CENPT: variants seen among roughly 807,000 people sequenced by gnomAD.
The protein encoded by CENPT is interphase centromere complex protein 22.
CENPT carries 42 observed loss-of-function variants against 59.7 expected under a neutral mutation model. That is an observed-to-expected ratio of 0.70 (90% CI 0.55 to 0.91). CENPT has a LOEUF of 0.91. Ranked by LOEUF, CENPT falls within the 40% of genes least tolerant of loss-of-function variation. The probability of loss-of-function intolerance (pLI) is 0.00; values close to 1 mark genes in which losing one functional copy is unlikely to be tolerated. For synonymous variants in CENPT, 295 were observed against 289.6 expected, an observed-to-expected ratio of 1.02 and a Z score of -0.19; for missense variants, 716 against 713.4, an observed-to-expected ratio of 1.00 and a Z score of -0.04.
At chr16:67,840,362 A>G (rs1271943183) in intron 1 of CENPT, among the ~76,000 whole-genome samples, 4 of 152,276 alleles carry the variant, frequency 2.6e-5, no homozygotes, top group South Asian at 2.1e-4. Context: ...TTAGGTTTCT[A>G]TTTCATGCCT....
intron 1 of CENPT, among the ~76,000 whole-genome samples, chr16:67,836,562 C>T (rs1271534142): frequency 6.6e-6 from 1 of 151,872 alleles, no homozygotes; most frequent in Admixed American, 6.6e-5. Context: ...CTCAGCCTCC[C>T]AAGCAGCTAG....
intron 1 of CENPT, among the ~76,000 whole-genome samples, chr16:67,845,733 C>T (rs139848764): frequency 8.5e-5 from 13 of 152,330 alleles, no homozygotes; most frequent in African/African-American, 3.1e-4. Flanking sequence ...AGACAGTTCA[C>T]AGAGCAAGGG....
intron 1 of CENPT, among the ~76,000 whole-genome samples, chr16:67,845,120 C>T (rs1484985456): frequency 6.6e-6 from 1 of 152,104 alleles, no homozygotes; most frequent in African/African-American, 2.4e-5. Flanking sequence ...ATTGAAGGGG[C>T]AAGGATTACA....
chr16:67,837,475 G>A (rs1050061634), intron 1 of CENPT, among the ~76,000 whole-genome samples: 3 of 151,926 alleles, frequency 2.0e-5, no homozygotes, highest in Admixed American at 6.6e-5. Flanking sequence ...TTGGGAGGCC[G>A]AGGCAGGTGG....
rs2057728055 is a variant in CENPT, at chr16:67,835,209, G to C, written c.-279C>G. 1 of 152,116 alleles carries C rather than the reference G, an allele frequency of 6.6e-6. No individual in the cohort carries two copies. Among genetic ancestry groups the C allele is most frequent in the Non-Finnish European group, 1.5e-5 (1 of 68,038 alleles). The allele number at this position is 152,116 out of a possible 1,614,324, so 9.4% of individuals were successfully genotyped here. On this transcript the variant is annotated 5_prime_UTR_variant, in exon 3 of 16. Coordinates refer to ENST00000562787, the MANE Select transcript of CENPT (RefSeq NM_025082.4). ...GTGTTTTCCTCCGTATTTTTCACTGGTTGACAATCCTCTCACCTTAAGTTT... is the reference window on the plus strand; with the variant it reads ...GTGTTTTCCTCCGTATTTTTCACTGCTTGACAATCCTCTCACCTTAAGTTT...
At chr16:67,835,465 A>G (rs1026507406) in intron 2 of CENPT, 73 bp downstream of exon 2, 17 of 152,208 alleles carry the variant, frequency 1.1e-4, no homozygotes, top group African/African-American at 4.1e-4. Flanking sequence ...GGAGTTCAAG[A>G]CCAGTCTGGC....
intron 1 of CENPT, 192 bp downstream of exon 1, chr16:67,847,209 C>T (rs1291861497): frequency 6.6e-6 from 1 of 152,062 alleles, no homozygotes; most frequent in Non-Finnish European, 1.5e-5. Flanking sequence ...CAGCCGGGCG[C>T]CTATCTGGGC....
intron 10 of CENPT, 92 bp from the exon 11 acceptor site, chr16:67,830,640 C>T: frequency 7.3e-7 from 1 of 1,361,878 alleles, no homozygotes; most frequent in South Asian, 1.2e-5. Context: ...CCGGCTGCTA[C>T]TCAGCGTTGC....
At chr16:67,832,745 G>A (rs1276664272) in intron 4 of CENPT, among the ~76,000 whole-genome samples, 200 bp from the exon 5 acceptor site, 1 of 152,146 alleles carries the variant, frequency 6.6e-6, no homozygotes, top group Admixed American at 6.5e-5. Flanking sequence ...CCTGGGGTAT[G>A]GGAATAGAGA....
In CENPT at chr16:67,828,712, G is replaced by A; in HGVS notation, c.1412C>T (p.Ala471Val). Residue 471 changes from alanine to valine, a missense_variant, in exon 14 of 16, where the codon GCC (alanine) becomes GTC (valine). Physicochemically the swap from Ala to Val is moderately conservative, Grantham distance 64. Coordinates refer to ENST00000562787, the MANE Select transcript of CENPT (RefSeq NM_025082.4). ...SHYVKLFSFY[A>V]KMPMERKALE... Reference sequence around the variant, plus strand: ...AGCCTTCCTCTCCATGGGCATCTTGGCATAGAAGCTAAAGAGTTTCACATA... The same window carrying A: ...AGCCTTCCTCTCCATGGGCATCTTGACATAGAAGCTAAAGAGTTTCACATA... The A allele has an allele frequency of 6.2e-7, 1 of 1,614,136 alleles. No homozygotes were observed. The highest frequency in any genetic ancestry group is 1.3e-5 in the African/African-American group (1 of 75,048).
At chr16:67,845,569 C>T (rs967308915) in intron 1 of CENPT, among the ~76,000 whole-genome samples, 3 of 152,208 alleles carry the variant, frequency 2.0e-5, no homozygotes, top group African/African-American at 7.2e-5. Flanking sequence ...TTCCAGGATC[C>T]AGCCATGCTC....
chr16:67,847,159 G>A (rs970199497), intron 1 of CENPT: 1 of 148,616 alleles, frequency 6.7e-6, no homozygotes, highest in Non-Finnish European at 1.5e-5. Context: ...GCCTCCCGCC[G>A]GTCCTGTGAG....
At chr16:67,829,697 A>G in intron 12 of CENPT, 68 bp downstream of exon 12, 1 of 1,523,898 alleles carries the variant, frequency 6.6e-7, no homozygotes, top group Non-Finnish European at 9.0e-7. Flanking sequence ...CAACCCAGAC[A>G]AGGCCTTTCT....
At chr16:67,841,838 G>A (rs969726433) in intron 1 of CENPT, 3 of 152,278 alleles carry the variant, frequency 2.0e-5, no homozygotes, top group Non-Finnish European at 4.4e-5. Flanking sequence ...CCCAGGTTTC[G>A]TCTCCCTCTG....
At position 67,833,977 on chromosome 16, in the gene CENPT, C is replaced by A. The variant is rs2057719227; in HGVS notation, c.-118G>T. On this transcript the variant is annotated 5_prime_UTR_variant, in exon 4 of 16. Coordinates refer to ENST00000562787, the MANE Select transcript of CENPT (RefSeq NM_025082.4). ...ACAGCCCCACGGGAATTGTAGTTCTCGCACTATCGCAGCTCGCGGGGTGGA... is the reference window on the plus strand; with the variant it reads ...ACAGCCCCACGGGAATTGTAGTTCTAGCACTATCGCAGCTCGCGGGGTGGA... The A allele has an allele frequency of 6.2e-6, 4 of 643,272 alleles. No homozygotes were observed. The African/African-American group carries it at 7.7e-5, about 12-fold the overall frequency. The allele number at this position is 643,272 out of a possible 1,614,324, so 39.8% of individuals were successfully genotyped here.
intron 4 of CENPT, among the ~76,000 whole-genome samples, chr16:67,833,001 A>G (rs1037207032): frequency 7.2e-5 from 11 of 152,334 alleles, no homozygotes; most frequent in Middle Eastern, 3.4e-3. Flanking sequence ...CCAGAGCCAC[A>G]TAAGTGTTCC....
chr16:67,845,336 A>G (rs1220302352), intron 1 of CENPT, among the ~76,000 whole-genome samples: 1 of 152,198 alleles, frequency 6.6e-6, no homozygotes, highest in Non-Finnish European at 1.5e-5. Flanking sequence ...GATGGTCCTA[A>G]AACTCAAGTC....
chr16:67,829,924 T>TCACACC lies in CENPT; in HGVS notation c.1021_1026dup (p.Gly341_Val342dup), dbSNP rs2057667345. On this transcript the variant is annotated inframe_insertion, in exon 12 of 16. Coordinates refer to ENST00000562787, the MANE Select transcript of CENPT (RefSeq NM_025082.4). ...CCTGTTGCCTCCATTTCACTCACAC[T>TCACACC]CACACCTTCTTCTTCCATCTTTTTC... The TCACACC allele has an allele frequency of 2.5e-6, 4 of 1,614,236 alleles. No homozygotes were observed. The highest frequency in any genetic ancestry group is 3.4e-6 in the Non-Finnish European group (4 of 1,180,052).
In CENPT at chr16:67,843,646, C is replaced by T; in HGVS notation, c.-492+3755G>A. 1 of 784,298 alleles carries T rather than the reference C, an allele frequency of 1.3e-6. No homozygotes were observed. The highest frequency in any genetic ancestry group is 2.0e-6 in the Non-Finnish European group (1 of 498,594). The allele number at this position is 784,298 out of a possible 1,614,324, so 48.6% of individuals were successfully genotyped here. A position where few individuals can be genotyped will look rare whatever the true frequency, so the allele number is the denominator to read the frequency against. ...GACTCTCTTGCTGGTGACCTGGCAT[C>T]CTCAATTGTTTCCTCCTGAAGTGGA... is the stretch of plus-strand genomic sequence containing the variant. On this transcript the variant is annotated intron_variant, in intron 1 of 15. Coordinates refer to ENST00000562787, the MANE Select transcript of CENPT (RefSeq NM_025082.4). This position sits in a 1 kb window ranked among gnomAD's most constrained non-coding sequence, Gnocchi z 5.7.
Sources: allele counts gnomAD v4.1 joint callset (sites outside exome capture counted in the v4.1 genomes callset), GRCh38; gene constraint gnomAD v4.1.1; non-coding constraint Gnocchi (gnomAD v3.1); transcripts MANE v1.5; gene names NCBI Gene and HGNC (gene_info 2026-07-23, HGNC 2026-07-21).